Variants in MYH11 observed in about 807,000 individuals in gnomAD.
MYH11 encodes the protein myosin heavy chain 11.
Under a neutral mutation model 246.6 loss-of-function variants are expected in MYH11, and 80 were observed. That is an observed-to-expected ratio of 0.32 (90% CI 0.27 to 0.39). MYH11 has a LOEUF of 0.39. Among genes scored for constraint, MYH11 ranks in the 10% least tolerant of loss-of-function variants. MYH11 has a pLI of 1.00. For missense variants in MYH11, 2,158 were observed against 2,546.8 expected (o/e 0.85, Z 3.29); for synonymous variants, 1,071 against 1,015.5 (o/e 1.05, Z -1.04).
At chr16:15,773,062 A>AT (rs1451868321) in intron 8 of MYH11, among the ~76,000 whole-genome samples, 1 of 151,946 alleles carries the variant, frequency 6.6e-6, no homozygotes, top group Admixed American at 6.6e-5. Context: ...TCCCCACACC[A>AT]TCCCCCCAAC....
chr16:15,834,686 C>T (rs1370755754), intron 2 of MYH11, among the ~76,000 whole-genome samples: 1 of 152,088 alleles, frequency 6.6e-6, no homozygotes, highest in Non-Finnish European at 1.5e-5. Context: ...AGCTTCCTTC[C>T]CTAAAAGGGG....
intron 1 of MYH11, among the ~76,000 whole-genome samples, chr16:15,839,143 A>G (rs1382851411): frequency 2.1e-5 from 3 of 141,096 alleles, no homozygotes; most frequent in African/African-American, 7.9e-5. Context: ...CTGGGAGGTC[A>G]AGATTGCAGT....
intron 22 of MYH11, 152 bp downstream of exon 22, chr16:15,741,311 G>A (rs1212686107): frequency 3.5e-6 from 3 of 852,556 alleles, no homozygotes; most frequent in Non-Finnish European, 5.9e-6. Flanking sequence ...AATCCCAGCT[G>A]TGTGGCCTTG....
In MYH11 at chr16:15,778,698, C is replaced by T. The variant is rs141269843; in HGVS notation, c.790+82G>A. 1.1e-3 allele frequency: 1,496 copies of T among 1,340,262 alleles called. 1 individual carries two copies. The highest frequency in any genetic ancestry group is 6.5e-3 in the Middle Eastern group (36 of 5,524). 83.0% of individuals were successfully genotyped at this position (1,340,262 alleles called of 1,614,324 possible). On this transcript the variant is annotated intron_variant, in intron 7 of 40. Transcript: ENST00000300036. ...TAAGAGGCTGGAAAGATAGAGGTGG[C>T]TCTTGGACTCTCCCAGCCTCTGGGC...
At chr16:15,724,837 C>T (rs1230103489) in intron 29 of MYH11, 38 bp from the exon 30 acceptor site, 1 of 1,613,686 alleles carries the variant, frequency 6.2e-7, no homozygotes, top group South Asian at 1.1e-5. Flanking sequence ...GGGACCTGCC[C>T]CGAGGAAGGC....
chr16:15,818,102 G>A (rs2043307786), intron 3 of MYH11, among the ~76,000 whole-genome samples: 1 of 152,166 alleles, frequency 6.6e-6, no homozygotes, highest in South Asian at 2.1e-4. Context: ...CAACTGCAAT[G>A]CTTCATCTTA....
At chr16:15,786,833 C>A in intron 4 of MYH11, 101 bp from the exon 5 acceptor site, 1 of 1,117,744 alleles carries the variant, frequency 8.9e-7, no homozygotes. Flanking sequence ...CACCATTTCC[C>A]AGAGGGTGAA....
At chr16:15,818,283 A>AT (rs765130532) in intron 3 of MYH11, among the ~76,000 whole-genome samples, 29 of 152,248 alleles carry the variant, frequency 1.9e-4, no homozygotes, top group Non-Finnish European at 2.9e-4. Context: ...AGATCGTGCC[A>AT]TTTATCAATG....
intron 2 of MYH11, among the ~76,000 whole-genome samples, chr16:15,825,815 T>C (rs1488613416): frequency 6.6e-6 from 1 of 151,994 alleles, no homozygotes; most frequent in Non-Finnish European, 1.5e-5. Context: ...GATTTTCCCA[T>C]GGTTGAGGTC....
intron 14 of MYH11, among the ~76,000 whole-genome samples, chr16:15,755,242 C>A (rs906454900): frequency 6.6e-6 from 1 of 152,192 alleles, no homozygotes; most frequent in African/African-American, 2.4e-5. Flanking sequence ...TGTACATTAT[C>A]CAGGACTCTT....
rs571752051 is a variant in MYH11, at chr16:15,775,923, T to C, written c.889+155A>G. The C allele has an allele frequency of 4.6e-5, 33 of 711,558 alleles. 1 individual carries two copies. Among genetic ancestry groups the C allele is most frequent in the Middle Eastern group, 4.7e-4 (2 of 4,250 alleles). 44.1% of individuals were successfully genotyped at this position (711,558 alleles called of 1,614,324 possible). ...ACTGAACACAAGCCACACTCACTCA[T>C]TGGGAGGAGATGAAGAACTGTTCAT... On this transcript the variant is annotated intron_variant, in intron 8 of 40. Coordinates refer to ENST00000300036, the MANE Select transcript of MYH11 (RefSeq NM_002474.3).
intron 5 of MYH11, chr16:15,785,550 C>G (rs1178657157): frequency 6.6e-6 from 1 of 151,814 alleles, no homozygotes; most frequent in South Asian, 2.1e-4. Flanking sequence ...CAAGGGCCTC[C>G]AGACAAGCCG....
At chr16:15,818,308 G>C (rs1272234687) in intron 3 of MYH11, among the ~76,000 whole-genome samples, 4 of 152,056 alleles carry the variant, frequency 2.6e-5, no homozygotes, top group Non-Finnish European at 1.5e-5. Flanking sequence ...CAACACACTG[G>C]GCCTACGTGT....
intron 40 of MYH11, 28 bp downstream of exon 40, chr16:15,714,881 G>C: frequency 2.5e-6 from 4 of 1,612,222 alleles, no homozygotes; most frequent in Non-Finnish European, 2.5e-6. Context: ...CTGAGAGACG[G>C]GGTCCTCCCG....
chr16:15,715,149 G>T lies in MYH11; in HGVS notation c.5613+15C>A. 1.2e-6 allele frequency: 2 copies of T among 1,613,154 alleles called. No individual in the cohort carries two copies. The highest frequency in any genetic ancestry group is 2.2e-5 in the South Asian group (2 of 91,080). ...GGGGCTGGGGGCTCGAGGGAGGCTG[G>T]GTGGCAGGGGCTACCTGCTCCTTGT... is the stretch of plus-strand genomic sequence containing the variant. On this transcript the variant is annotated intron_variant, in intron 39 of 40. Coordinates refer to ENST00000300036, the MANE Select transcript of MYH11 (RefSeq NM_002474.3).
chr16:15,796,407 G>C (rs2042743528), intron 4 of MYH11, among the ~76,000 whole-genome samples: 1 of 152,160 alleles, frequency 6.6e-6, no homozygotes, highest in Non-Finnish European at 1.5e-5. Context: ...GCTCAGAGAG[G>C]TCAAGTGACC....
rs369952802 is a variant in MYH11, at chr16:15,738,546, C to T, written c.3121+19G>A. On this transcript the variant is annotated intron_variant, in intron 24 of 40. Coordinates refer to ENST00000300036, the MANE Select transcript of MYH11 (RefSeq NM_002474.3). ...ATAATAAAATAAAATAAAAATAAAT[C>T]TCTTGGTAGCTGGTTTACCTTCCAG... The T allele has an allele frequency of 2.8e-5, 45 of 1,598,966 alleles. No individual in the cohort carries two copies. In the Admixed American group the frequency reaches 6.1e-4, roughly 22 times the overall value.
At chr16:15,716,740 C>G (rs934642706) in intron 38 of MYH11, among the ~76,000 whole-genome samples, 2 of 152,168 alleles carry the variant, frequency 1.3e-5, no homozygotes, top group African/African-American at 2.4e-5. Flanking sequence ...TCTCAAACTC[C>G]TGACCTCAAG....
chr16:15,804,992 T>C (rs755944952), intron 3 of MYH11, among the ~76,000 whole-genome samples: 2 of 152,176 alleles, frequency 1.3e-5, no homozygotes, highest in Non-Finnish European at 2.9e-5. Flanking sequence ...TTAGTTTGAG[T>C]ACCTTTTCAA....
Sources: allele counts gnomAD v4.1 joint callset (sites outside exome capture counted in the v4.1 genomes callset), GRCh38; gene constraint gnomAD v4.1.1; transcripts MANE v1.5; gene names NCBI Gene and HGNC (gene_info 2026-07-23, HGNC 2026-07-21).